BCL2L14: variants seen among roughly 807,000 people sequenced by gnomAD.
BCL2L14 encodes apoptosis facilitator Bcl-2-like protein 14.
Under a neutral mutation model 35.3 loss-of-function variants are expected in BCL2L14, and 27 were observed. The observed-to-expected ratio is 0.76, with a 90% confidence interval of 0.56 to 1.05. BCL2L14 has a LOEUF of 1.05. Ranked by LOEUF, BCL2L14 falls within the 50% of genes least tolerant of loss-of-function variation. BCL2L14 has a pLI of 0.00. For missense variants in BCL2L14, 377 were observed against 382.6 expected (o/e 0.99, Z 0.12); for synonymous variants, 139 against 145.9 (o/e 0.95, Z 0.34).
chr12:12,066,225 C>T (rs1948592539), upstream of BCL2L14, among the ~76,000 whole-genome samples: 1 of 152,238 alleles, frequency 6.6e-6, no homozygotes, highest in Non-Finnish European at 1.5e-5. Context: ...TGCTTCTCCT[C>T]TGCTCCGTTT....
chr12:12,089,883 A>T (rs575288198), intron 3 of BCL2L14, among the ~76,000 whole-genome samples: 2 of 152,368 alleles, frequency 1.3e-5, no homozygotes, highest in African/African-American at 4.8e-5. Context: ...AATCTGAAAG[A>T]TATCTTTGTA....
upstream of BCL2L14, among the ~76,000 whole-genome samples, chr12:12,066,715 ATTT>A (rs1308425590): frequency 4.7e-5 from 7 of 149,610 alleles, no homozygotes; most frequent in South Asian, 2.1e-4. Flanking sequence ...TATTATTATT[ATTT>A]TTTTTTTTTT....
chr12:12,091,118 C>A (rs1428194052), intron 4 of BCL2L14, among the ~76,000 whole-genome samples: 2 of 152,158 alleles, frequency 1.3e-5, no homozygotes. Flanking sequence ...GAAAAGACAC[C>A]AGTAAATTAA....
intron 2 of BCL2L14, among the ~76,000 whole-genome samples, chr12:12,085,216 A>T (rs1949017292): frequency 6.6e-6 from 1 of 152,154 alleles, no homozygotes; most frequent in Non-Finnish European, 1.5e-5. Context: ...GGGACCCTTC[A>T]TGGAGCTTCT....
At chr12:12,058,250 A>AGT (rs1334408646) in intron 2 of BCL2L14, among the ~76,000 whole-genome samples, 3 of 112,898 alleles carry the variant, frequency 2.7e-5, no homozygotes, top group African/African-American at 1.0e-4. Context: ...TTGTGCCCAG[A>AGT]CTCTTTTTTT....
At chr12:12,057,188 C>T (rs10845466) in intron 2 of BCL2L14, among the ~76,000 whole-genome samples, 94,172 of 151,870 alleles carry the variant, frequency 0.62, 30,002 homozygotes, top group East Asian at 0.78. Flanking sequence ...ATCTACAGGA[C>T]AATAAACAAA....
At chr12:12,061,526 A>G (rs55642367) in intron 2 of BCL2L14, among the ~76,000 whole-genome samples, 39,842 of 150,912 alleles carry the variant, frequency 0.26, 5,386 homozygotes, top group Middle Eastern at 0.31. Context: ...TTCAGGATCT[A>G]TGCCTTATCA....
intron 2 of BCL2L14, among the ~76,000 whole-genome samples, chr12:12,060,208 C>A (rs1026593050): frequency 6.6e-6 from 1 of 151,464 alleles, no homozygotes; most frequent in Non-Finnish European, 1.5e-5. Flanking sequence ...AGCCCTCCCC[C>A]TCCTGCCCAG....
chr12:12,097,035 T>G (rs6488500), intron 5 of BCL2L14, among the ~76,000 whole-genome samples: 7 of 151,908 alleles, frequency 4.6e-5, no homozygotes, highest in Admixed American at 3.3e-4. Flanking sequence ...TCCCAGCTAC[T>G]CAGGGGGGCT....
rs1308235204 is a variant in BCL2L14, at chr12:12,095,829, T to C, written c.945+899T>C. The C allele has an allele frequency of 3.0e-6, 3 of 985,296 alleles. No individual in the cohort carries two copies. In the African/African-American group the frequency reaches 5.2e-5, roughly 17 times the overall value. The allele number at this position is 985,296 out of a possible 1,614,324, so 61.0% of individuals were successfully genotyped here. A position where few individuals can be genotyped will look rare whatever the true frequency, so the allele number is the denominator to read the frequency against. On this transcript the variant is annotated intron_variant, in intron 5 of 5. Transcript: ENST00000308721. ...AGGGTCTGAAGTGCCCGCCATGGTCTTCAGTGGCTGCCACGGTCTTCAGTT... is the reference window on the plus strand; with the variant it reads ...AGGGTCTGAAGTGCCCGCCATGGTCCTCAGTGGCTGCCACGGTCTTCAGTT...
intron 4 of BCL2L14, among the ~76,000 whole-genome samples, chr12:12,094,023 C>A (rs1318872436): frequency 6.6e-6 from 1 of 151,226 alleles, no homozygotes; most frequent in Non-Finnish European, 1.5e-5. Flanking sequence ...AAGAGAATCA[C>A]TTGAGCCCAG....
At position 12,099,681 on chromosome 12, in the gene BCL2L14, A is replaced by C. The variant is rs1949386770; in HGVS notation, c.*693A>C. 6.6e-6 allele frequency: 1 copy of C among 152,228 alleles called. No individual in the cohort carries two copies. The highest frequency in any genetic ancestry group is 2.4e-5 in the African/African-American group (1 of 41,454). 9.4% of individuals were successfully genotyped at this position (152,228 alleles called of 1,614,324 possible). ...TAGCAGGTAAAATAAATACATAGAA[A>C]GACTACTGTCAAAAGAGTGTCTTCT... On this transcript the variant is annotated 3_prime_UTR_variant, in exon 6 of 6. Coordinates refer to ENST00000308721, the MANE Select transcript of BCL2L14 (RefSeq NM_138723.2).
chr12:12,087,627 C>T lies in BCL2L14; in HGVS notation c.607+241C>T, dbSNP rs572057967. Reference sequence around the variant, plus strand: ...CTAAGTAAGAAAGGAAAGTCTCCTACAGAGGGAGAGGAGGAAACACAAAGC... The same window carrying T: ...CTAAGTAAGAAAGGAAAGTCTCCTATAGAGGGAGAGGAGGAAACACAAAGC... On this transcript the variant is annotated intron_variant, in intron 3 of 5. Coordinates refer to ENST00000308721, the MANE Select transcript of BCL2L14 (RefSeq NM_138723.2). 1.1e-3 allele frequency among the ~76,000 whole-genome samples: 172 copies of T among 152,346 alleles called. 1 individual carries two copies. Among genetic ancestry groups the T allele is most frequent in the African/African-American group, 3.9e-3 (164 of 41,582 alleles).
At chr12:12,078,944 G>C (rs1170035772) in intron 1 of BCL2L14, among the ~76,000 whole-genome samples, 1 of 152,194 alleles carries the variant, frequency 6.6e-6, no homozygotes, top group Non-Finnish European at 1.5e-5. Flanking sequence ...CTACAGGCGT[G>C]CGCCACCATG....
chr12:12,078,118 ACT>A (rs1414712622), intron 1 of BCL2L14: 1 of 199,794 alleles, frequency 5.0e-6, no homozygotes, highest in Non-Finnish European at 1.1e-5. Context: ...TGATCACATC[ACT>A]CTCTACTCAA....
Position 12,050,808 on chromosome 12 carries a change from A to AAG in BCL2L14, c.-324+855_-324+856insGA, listed in dbSNP as rs1555084759. 3.4e-4 allele frequency among the ~76,000 whole-genome samples: 32 copies of AAG among 93,292 alleles called. 1 individual carries two copies. In the East Asian group the frequency reaches 0.011, roughly 32 times the overall value. The allele number at this position is 93,292 out of a possible 152,430, so 61.2% of individuals were successfully genotyped here. On this transcript the variant is annotated intron_variant, in intron 1 of 3. Transcript: ENST00000461264. The stretch of plus-strand genomic sequence containing the variant: ...GCTGATGAGCTAAAAAAAAAAAAAA[A>AAG]AAAAAGAAAAGAAAAGAAAAGAAAA...
chr12:12,083,872 TGG>T (rs1360865382), intron 2 of BCL2L14, among the ~76,000 whole-genome samples: 2 of 152,166 alleles, frequency 1.3e-5, no homozygotes, highest in Non-Finnish European at 2.9e-5. Flanking sequence ...CACTTGAGCC[TGG>T]GAGGCGCAGG....
intron 1 of BCL2L14, among the ~76,000 whole-genome samples, chr12:12,077,056 G>T (rs1306357297): frequency 6.6e-6 from 1 of 152,164 alleles, no homozygotes; most frequent in Non-Finnish European, 1.5e-5. Context: ...AACCCTGTCT[G>T]CAGTTACTGT....
At chr12:12,066,227 G>A (rs1371667500), upstream of BCL2L14, among the ~76,000 whole-genome samples, 1 of 152,146 alleles carries the variant, frequency 6.6e-6, no homozygotes, top group Admixed American at 6.5e-5. Flanking sequence ...CTTCTCCTCT[G>A]CTCCGTTTCC....
Sources: gnomAD v4.1 joint callset for allele counts (sites outside exome capture counted in the v4.1 genomes callset) on GRCh38, gnomAD v4.1.1 for gene constraint, MANE v1.5 for transcripts, NCBI Gene and HGNC (gene_info 2026-07-23, HGNC 2026-07-21) for gene names.